Variants in ASTN2 observed in about 807,000 individuals in gnomAD.
ASTN2 encodes astrotactin 2.
Under a neutral mutation model 139.8 loss-of-function variants are expected in ASTN2, and 54 were observed. The ratio of observed to expected loss-of-function variants is 0.39; its 90% CI spans 0.31 to 0.48. The LOEUF is 0.48. ASTN2 is among the 20% of genes least tolerant of loss of function. ASTN2 has a pLI of 0.95. For missense variants in ASTN2, 1,565 were observed against 1,725.1 expected, an observed-to-expected ratio of 0.91 and a Z score of 1.64; for synonymous variants, 756 against 719.5, an observed-to-expected ratio of 1.05 and a Z score of -0.81.
At chr9:116,795,012 T>C (rs1247906788) in intron 13 of ASTN2, among the ~76,000 whole-genome samples, 1 of 152,226 alleles carries the variant, frequency 6.6e-6, no homozygotes, top group Non-Finnish European at 1.5e-5. Flanking sequence ...GTTTCACTCT[T>C]GTTGCCCAGG....
chr9:116,581,748 C>A (rs1189420675), intron 19 of ASTN2, among the ~76,000 whole-genome samples: 3 of 152,192 alleles, frequency 2.0e-5, no homozygotes, highest in Non-Finnish European at 4.4e-5. Flanking sequence ...TTCATTCATT[C>A]ATCTCTTCTT....
intron 10 of ASTN2, among the ~76,000 whole-genome samples, chr9:116,897,576 C>T (rs1042872257): frequency 1.3e-5 from 2 of 152,234 alleles, no homozygotes; most frequent in African/African-American, 4.8e-5. Flanking sequence ...AAACTGAAAA[C>T]AACCTAAATA....
intron 19 of ASTN2, among the ~76,000 whole-genome samples, chr9:116,531,175 A>G (rs1587946794): frequency 2.0e-5 from 3 of 152,242 alleles, no homozygotes; most frequent in South Asian, 4.1e-4. Flanking sequence ...GGAAACACTT[A>G]TCATCTGTGT....
intron 7 of ASTN2, among the ~76,000 whole-genome samples, chr9:117,002,207 A>G (rs1177793292): frequency 6.6e-6 from 1 of 152,184 alleles, no homozygotes; most frequent in Non-Finnish European, 1.5e-5. Context: ...AGCAGGGGAG[A>G]TAAACTTTCA....
At chr9:117,237,778 C>T (rs374951476) in intron 2 of ASTN2, among the ~76,000 whole-genome samples, 19 of 152,326 alleles carry the variant, frequency 1.2e-4, no homozygotes, top group Admixed American at 3.9e-4. Context: ...CACACTCAGC[C>T]GAGGTTGAGT....
intron 19 of ASTN2, among the ~76,000 whole-genome samples, chr9:116,525,354 T>C (rs1305431932): frequency 6.6e-6 from 1 of 152,184 alleles, no homozygotes; most frequent in Non-Finnish European, 1.5e-5. Flanking sequence ...TGCTCCTTCT[T>C]GGGGCCCTCC....
chr9:117,219,158 CAG>C (rs767034835), intron 2 of ASTN2, among the ~76,000 whole-genome samples: 6 of 152,184 alleles, frequency 3.9e-5, no homozygotes, highest in Non-Finnish European at 7.4e-5. Flanking sequence ...ATGAGTGACT[CAG>C]AATCAAGAAG....
At chr9:116,437,653 T>C (rs1847701235) in intron 22 of ASTN2, 4 of 464,450 alleles carry the variant, frequency 8.6e-6, no homozygotes, top group South Asian at 6.2e-5. Context: ...CCCTGAGCCC[T>C]GTGGGAAAGC....
In ASTN2 at chr9:117,324,136, A is replaced by T. The variant is rs557856153; in HGVS notation, c.443-32623T>A. Among the ~76,000 whole-genome samples the T allele has an allele frequency of 7.9e-5, 12 of 152,266 alleles. No homozygotes were observed. In the South Asian group the frequency reaches 1.7e-3, roughly 21 times the overall value. Reference sequence around the variant, plus strand: ...GAAAAAGGAAGCCCAACCCAGCCACACTCATGCAAGCTCACAGGAGGCCAG... The same window carrying T: ...GAAAAAGGAAGCCCAACCCAGCCACTCTCATGCAAGCTCACAGGAGGCCAG... On this transcript the variant is annotated intron_variant, in intron 1 of 22. Transcript: ENST00000313400.
Position 116,834,183 on chromosome 9 carries a change from T to A in ASTN2, c.2041-13400A>T, listed in dbSNP as rs1221718233. Among the ~76,000 whole-genome samples, 6 of 152,372 alleles carry A rather than the reference T, an allele frequency of 3.9e-5. No homozygotes were observed. In the East Asian group the frequency reaches 1.2e-3, roughly 29 times the overall value. On this transcript the variant is annotated intron_variant, in intron 11 of 22. Transcript: ENST00000313400. ...ACTCCATACAATTTGAATCTTAAAATTTGCTGAGGCTTTTTTTATGGTCCA... is the reference window on the plus strand; with the variant it reads ...ACTCCATACAATTTGAATCTTAAAAATTGCTGAGGCTTTTTTTATGGTCCA...
chr9:117,071,919 C>G (rs965289706), intron 5 of ASTN2, among the ~76,000 whole-genome samples: 2 of 152,278 alleles, frequency 1.3e-5, no homozygotes, highest in African/African-American at 2.4e-5. Flanking sequence ...CTGGCACTCC[C>G]TAGTGAGATG....
chr9:116,489,214 C>T (rs1019391), intron 19 of ASTN2, among the ~76,000 whole-genome samples: 7 of 152,178 alleles, frequency 4.6e-5, no homozygotes, highest in African/African-American at 1.7e-4. Flanking sequence ...GATTAGGACT[C>T]AGAGCAGCTT....
chr9:116,426,165 C>T (rs1715019579), intron 22 of ASTN2, 77 bp from the exon 23 acceptor site: 2 of 1,555,794 alleles, frequency 1.3e-6, no homozygotes, highest in Non-Finnish European at 1.7e-6. Context: ...TAAATGTCAA[C>T]AAACAAATGG....
chr9:116,527,908 T>C (rs777066026), intron 19 of ASTN2, among the ~76,000 whole-genome samples: 7 of 152,300 alleles, frequency 4.6e-5, no homozygotes, highest in East Asian at 1.9e-4. Context: ...GTAAGCTTCC[T>C]GAGGCCTCCC....
intron 3 of ASTN2, among the ~76,000 whole-genome samples, chr9:117,177,596 A>G (rs1313745291): frequency 6.6e-6 from 1 of 152,154 alleles, no homozygotes; most frequent in African/African-American, 2.4e-5. Context: ...TGGGCCCCAC[A>G]TTTTAAAAAT....
intron 3 of ASTN2, among the ~76,000 whole-genome samples, chr9:117,143,815 A>AG (rs1388056145): frequency 1.4e-5 from 2 of 142,228 alleles, no homozygotes; most frequent in Non-Finnish European, 3.2e-5. Context: ...AAAGAGAGAG[A>AG]GAAAAAAAAA....
chr9:117,059,422 A>G lies in ASTN2; in HGVS notation c.1277-19457T>C, dbSNP rs542409328. ...AGGTCAGGAGTTCGAGAGCAGCCTG[A>G]CCAACATGGTGAAACCCCATCTCTA... On this transcript the variant is annotated intron_variant, in intron 5 of 22. Coordinates refer to ENST00000313400, the MANE Select transcript of ASTN2 (RefSeq NM_001365068.1). Among the ~76,000 whole-genome samples the G allele has an allele frequency of 1.6e-4, 25 of 151,878 alleles. No homozygotes were observed. In the South Asian group the frequency reaches 3.6e-3, roughly 22 times the overall value.
chr9:117,184,471 A>T (rs1330168899), intron 3 of ASTN2, among the ~76,000 whole-genome samples: 6 of 151,944 alleles, frequency 3.9e-5, no homozygotes, highest in Non-Finnish European at 5.9e-5. Context: ...CTGTCTGCCG[A>T]CCTCCTTGGG....
At chr9:117,235,101 A>G (rs1170721112) in intron 2 of ASTN2, among the ~76,000 whole-genome samples, 1 of 152,048 alleles carries the variant, frequency 6.6e-6, no homozygotes, top group African/African-American at 2.4e-5. Flanking sequence ...GAGCATGGTG[A>G]CAGGCACCTG....
Sources: allele counts gnomAD v4.1 joint callset (sites outside exome capture counted in the v4.1 genomes callset), GRCh38; gene constraint gnomAD v4.1.1; transcripts MANE v1.5; gene names NCBI Gene and HGNC (gene_info 2026-07-23, HGNC 2026-07-21).